ZNF100: variants seen among roughly 807,000 people sequenced by gnomAD.
The protein encoded by ZNF100 is zinc finger protein 100.
Under a neutral mutation model 15.8 loss-of-function variants are expected in ZNF100, and 12 were observed. That is an observed-to-expected ratio of 0.76 (90% CI 0.49 to 1.23). ZNF100 has a LOEUF of 1.23. Ranked by LOEUF, ZNF100 falls within the 50% of genes most tolerant of loss-of-function variation. ZNF100 has a pLI of 0.00. For missense variants in ZNF100, 670 were observed against 635.6 expected (o/e 1.05, Z -0.58); for synonymous variants, 226 against 214.8 (o/e 1.05, Z -0.45).
intron 4 of ZNF100, among the ~76,000 whole-genome samples, chr19:21,742,364 A>ATTTTTC: frequency 7.3e-6 from 1 of 136,616 alleles, no homozygotes; most frequent in African/African-American, 2.7e-5. Context: ...ACAACCATTA[A>ATTTTTC]TTTTTCTTTT....
chr19:21,745,202 A>T, intron 2 of ZNF100, 135 bp from the exon 3 acceptor site: 9 of 1,355,430 alleles, frequency 6.6e-6, no homozygotes, highest in Non-Finnish European at 8.8e-6. Context: ...TTTTCCAATA[A>T]TTTTTAACAC....
At chr19:21,767,336 C>A (rs1568316845) in intron 1 of ZNF100, 91 bp downstream of exon 1, 5 of 1,599,616 alleles carry the variant, frequency 3.1e-6, no homozygotes, top group Admixed American at 1.7e-5. Flanking sequence ...AAGCTGACTG[C>A]GGAGAGGCCT....
chr19:21,736,090 A>G (rs2036003923), intron 4 of ZNF100, among the ~76,000 whole-genome samples: 1 of 151,450 alleles, frequency 6.6e-6, no homozygotes, highest in South Asian at 2.1e-4. Flanking sequence ...GCCCGGCCTT[A>G]TTGATTTATT....
At chr19:21,728,651 G>T (rs1284318687) in intron 4 of ZNF100, among the ~76,000 whole-genome samples, 1 of 151,876 alleles carries the variant, frequency 6.6e-6, no homozygotes, top group African/African-American at 2.4e-5. Context: ...CAAGACGATT[G>T]TTCAGACTAT....
rs1318148405 is a variant in ZNF100 at position 21,723,386 on chromosome 19, A to G, written c.*3297T>C. On this transcript the variant is annotated 3_prime_UTR_variant, in exon 5 of 5. Transcript: ENST00000358296. ...AAAAAAAAAAAAAAAAAAAAAAACA[A>G]CCAACTTTCTCGTCAAAATTTACAA... 3.3e-5 allele frequency: 5 copies of G among 150,650 alleles called. No homozygotes were observed. Among genetic ancestry groups the G allele is most frequent in the African/African-American group, 9.8e-5 (4 of 40,942 alleles). The allele number at this position is 150,650 out of a possible 1,614,324, so 9.3% of individuals were successfully genotyped here.
At chr19:21,740,843 A>AT (rs1280865236) in intron 4 of ZNF100, among the ~76,000 whole-genome samples, 3 of 152,214 alleles carry the variant, frequency 2.0e-5, no homozygotes. Context: ...TGCAGTCATT[A>AT]TTTTAAAATG....
chr19:21,762,047 G>A (rs1363843553), intron 2 of ZNF100, among the ~76,000 whole-genome samples: 2 of 152,168 alleles, frequency 1.3e-5, no homozygotes, highest in Non-Finnish European at 2.9e-5. Context: ...GCATGGTGGT[G>A]TGCACTTGTA....
intron 2 of ZNF100, among the ~76,000 whole-genome samples, chr19:21,764,647 A>G (rs1038624784): frequency 2.0e-5 from 3 of 152,098 alleles, no homozygotes; most frequent in African/African-American, 7.2e-5. Context: ...GTGGGGAAAA[A>G]AAAAAAAAAG....
chr19:21,731,150 G>C (rs992249180), intron 4 of ZNF100, among the ~76,000 whole-genome samples: 1 of 152,080 alleles, frequency 6.6e-6, no homozygotes, highest in East Asian at 1.9e-4. Flanking sequence ...AAGTTGGTAT[G>C]AGTATAATGG....
chr19:21,744,097 T>C lies in ZNF100; in HGVS notation c.242A>G (p.Lys81Arg). The C allele has an allele frequency of 6.2e-7, 1 of 1,606,538 alleles. No homozygotes were observed. Among genetic ancestry groups the C allele is most frequent in the Non-Finnish European group, 8.5e-7 (1 of 1,177,966 alleles). Residue 81 changes from lysine to arginine, a missense_variant, in exon 4 of 5, where the codon AAG becomes AGG. Transcript: ENST00000358296. ...LVFLAGIALT[K>R]PDLITCLEQG... The stretch of plus-strand genomic sequence containing the variant: ...CTCCAGACAGGTGATCAGGTCTGGC[T>C]TAGTGAGAGCAATACCTGCTTTATT...
rs1257718808 is a variant in ZNF100 at position 21,726,798 on chromosome 19, A to T, written c.1514T>A (p.Ile505Lys). 6.2e-7 allele frequency: 1 copy of T among 1,613,114 alleles called. No individual in the cohort carries two copies. The highest frequency in any genetic ancestry group is 1.3e-5 in the African/African-American group (1 of 74,676). Residue 505 changes from isoleucine to lysine, a missense_variant, in exon 5 of 5, where the codon ATA (isoleucine) becomes AAA (lysine). Coordinates refer to ENST00000358296, the MANE Select transcript of ZNF100 (RefSeq NM_173531.4). ...GTAAGATTTCTCTCCAGTATGAGTTATCTTATGTTTAGTAAGGGTTGAGGA... is the reference window on the plus strand; with the variant it reads ...GTAAGATTTCTCTCCAGTATGAGTTTTCTTATGTTTAGTAAGGGTTGAGGA... The part of the protein sequence containing the change: ...NRSSTLTKHK[I>K]THTGEKSYKW...
chr19:21,735,881 C>T lies in ZNF100; in HGVS notation c.323-7892G>A, dbSNP rs140123060. Among the ~76,000 whole-genome samples, 494 of 152,142 alleles carry T rather than the reference C, an allele frequency of 3.2e-3. 2 individuals carry two copies. Among genetic ancestry groups the T allele is most frequent in the African/African-American group, 0.011 (471 of 41,516 alleles). Reference sequence around the variant, plus strand: ...TTGGCTCACTGCAAGCTCTGCCTCCCGGGTTCACACCATTCTCCTGCCTCA... The same window carrying T: ...TTGGCTCACTGCAAGCTCTGCCTCCTGGGTTCACACCATTCTCCTGCCTCA... On this transcript the variant is annotated intron_variant, in intron 4 of 4. Coordinates refer to ENST00000358296, the MANE Select transcript of ZNF100 (RefSeq NM_173531.4).
rs1168685906 is a variant in ZNF100, at chr19:21,727,439, A to G, written c.873T>C (p.Cys291=). 1.2e-6 allele frequency: 2 copies of G among 1,612,940 alleles called. No homozygotes were observed. Among genetic ancestry groups the G allele is most frequent in the Admixed American group, 1.7e-5 (1 of 59,944 alleles). Reference sequence around the variant, plus strand: ...GGTTAAAAGCTTTCCCACATTCTTCACATCTGTATGGTTTCTCTCCAGTAT... The same window carrying G: ...GGTTAAAAGCTTTCCCACATTCTTCGCATCTGTATGGTTTCTCTCCAGTAT... The part of the protein sequence containing the change: ...IIHTGEKPYR[C]EECGKAFNRS... Residue 291 remains cysteine (C), a synonymous_variant, in exon 5 of 5, where the codon TGT becomes TGC. Coordinates refer to ENST00000358296, the MANE Select transcript of ZNF100 (RefSeq NM_173531.4).
At chr19:21,742,791 A>T (rs545912909) in intron 4 of ZNF100, among the ~76,000 whole-genome samples, 27 of 152,348 alleles carry the variant, frequency 1.8e-4, no homozygotes, top group Middle Eastern at 3.4e-3. Flanking sequence ...AAAATATAAA[A>T]TTAACATACA....
rs199572458 is a variant in ZNF100 at position 21,765,974 on chromosome 19, TA to T, written c.4-189del. ...AAACCTTGACCCAAAAACATTCTGA[TA>T]AATCTCTGTGCCTAGAGAAGGTAAA... On this transcript the variant is annotated intron_variant, in intron 1 of 4. Coordinates refer to ENST00000358296, the MANE Select transcript of ZNF100 (RefSeq NM_173531.4). 2.6e-3 allele frequency among the ~76,000 whole-genome samples: 403 copies of T among 152,290 alleles called. 11 individuals are homozygous for T. Among genetic ancestry groups the T allele is most frequent in the Admixed American group, 0.025 (375 of 15,302 alleles).
intron 2 of ZNF100, among the ~76,000 whole-genome samples, chr19:21,754,604 A>C (rs1484359937): frequency 1.3e-5 from 2 of 152,130 alleles, no homozygotes; most frequent in Non-Finnish European, 2.9e-5. Context: ...CTGAAACTGG[A>C]CCCCTTCCTT....
intron 2 of ZNF100, among the ~76,000 whole-genome samples, chr19:21,748,015 G>A (rs2036241577): frequency 6.6e-6 from 1 of 152,294 alleles, no homozygotes; most frequent in South Asian, 2.1e-4. Context: ...ATAGACAGAG[G>A]AGGGGGCATA....
rs1167196293 is a variant in ZNF100, at chr19:21,725,882, T to A, written c.*801A>T. The A allele has an allele frequency of 6.6e-6, 1 of 152,194 alleles. No individual in the cohort carries two copies. The allele number at this position is 152,194 out of a possible 1,614,324, so 9.4% of individuals were successfully genotyped here. A position where few individuals can be genotyped will look rare whatever the true frequency, so the allele number is the denominator to read the frequency against. ...CTCTGATATTTACAGACTTAATGAT[T>A]AAAATTTTTAAAAAATTTTTCCTGT... On this transcript the variant is annotated 3_prime_UTR_variant, in exon 5 of 5. Coordinates refer to ENST00000358296, the MANE Select transcript of ZNF100 (RefSeq NM_173531.4).
chr19:21,726,104 A>C lies in ZNF100; in HGVS notation c.*579T>G, dbSNP rs1436571424. On this transcript the variant is annotated 3_prime_UTR_variant, in exon 5 of 5. Coordinates refer to ENST00000358296, the MANE Select transcript of ZNF100 (RefSeq NM_173531.4). ...GTACAGTAAGATCTGTGATACAAGTAAACATATTACAATTCTACTACAATG... is the reference window on the plus strand; with the variant it reads ...GTACAGTAAGATCTGTGATACAAGTCAACATATTACAATTCTACTACAATG... The C allele has an allele frequency of 6.6e-6, 1 of 152,408 alleles. No homozygotes were observed. Among genetic ancestry groups the C allele is most frequent in the Non-Finnish European group, 1.5e-5 (1 of 68,186 alleles). 9.4% of individuals were successfully genotyped at this position (152,408 alleles called of 1,614,324 possible).
Sources: allele counts gnomAD v4.1 joint callset (sites outside exome capture counted in the v4.1 genomes callset), GRCh38; gene constraint gnomAD v4.1.1; transcripts MANE v1.5; gene names NCBI Gene and HGNC (gene_info 2026-07-23, HGNC 2026-07-21).